Variants in PSD3 observed in about 807,000 individuals in gnomAD.
The protein encoded by PSD3 is PH and SEC7 domain-containing protein 3.
Under a neutral mutation model 105.5 loss-of-function variants are expected in PSD3, and 49 were observed. That is an observed-to-expected ratio of 0.46 (90% CI 0.37 to 0.59). The LOEUF is 0.59. Among genes scored for constraint, PSD3 ranks in the 20% least tolerant of loss-of-function variants. The pLI is 0.00. For missense variants in PSD3, 1,561 were observed against 1,263.8 expected, an observed-to-expected ratio of 1.24 and a Z score of -3.57; for synonymous variants, 557 against 457.8, an observed-to-expected ratio of 1.22 and a Z score of -2.77.
intron 4 of PSD3, among the ~76,000 whole-genome samples, chr8:18,840,091 CTGT>C (rs989726107): frequency 2.0e-5 from 3 of 152,134 alleles, no homozygotes; most frequent in Non-Finnish European, 4.4e-5. Context: ...AATGCTGATC[CTGT>C]TGTTCTCTAG....
chr8:18,595,131 T>G (rs550567959), intron 12 of PSD3, among the ~76,000 whole-genome samples: 1 of 151,994 alleles, frequency 6.6e-6, no homozygotes, highest in Non-Finnish European at 1.5e-5. Flanking sequence ...AGTAAAAGTA[T>G]AGTTTTGGCA....
intron 11 of PSD3, among the ~76,000 whole-genome samples, chr8:18,613,489 C>T (rs1805426411): frequency 1.3e-5 from 2 of 152,252 alleles, no homozygotes; most frequent in Admixed American, 1.3e-4. Flanking sequence ...CACTTGTCAC[C>T]CTTCTACGTG....
At chr8:18,564,795 C>T (rs761042187) in intron 14 of PSD3, among the ~76,000 whole-genome samples, 1 of 152,058 alleles carries the variant, frequency 6.6e-6, no homozygotes, top group Non-Finnish European at 1.5e-5. Context: ...TGGCTCTGAG[C>T]ACCACTGCCT....
intron 12 of PSD3, among the ~76,000 whole-genome samples, chr8:18,576,687 C>G (rs1161130764): frequency 6.6e-6 from 1 of 152,062 alleles, no homozygotes; most frequent in Non-Finnish European, 1.5e-5. Flanking sequence ...TAACAGAACC[C>G]GGCACATGTG....
chr8:18,983,122 T>C (rs560359217), intron 1 of PSD3, among the ~76,000 whole-genome samples: 1 of 152,356 alleles, frequency 6.6e-6, no homozygotes, highest in African/African-American at 2.4e-5. Flanking sequence ...GCTTCACCTT[T>C]ATGTTATAAA....
chr8:18,626,672 A>G (rs540461379), intron 11 of PSD3, among the ~76,000 whole-genome samples: 2 of 152,220 alleles, frequency 1.3e-5, no homozygotes, highest in African/African-American at 4.8e-5. Context: ...TATAGTGACC[A>G]TCTCTCAAAA....
chr8:18,988,206 T>C (rs1014589511), intron 1 of PSD3, among the ~76,000 whole-genome samples: 4 of 152,086 alleles, frequency 2.6e-5, no homozygotes, highest in African/African-American at 7.2e-5. Context: ...GAATTCTGAA[T>C]ACATAAAACA....
intron 4 of PSD3, chr8:18,849,569 C>T (rs1449509722): frequency 5.9e-5 from 9 of 152,326 alleles, no homozygotes; most frequent in Admixed American, 2.6e-4. Context: ...TCGGCATTAT[C>T]CTCCTACTCA....
intron 1 of PSD3, among the ~76,000 whole-genome samples, chr8:18,960,994 G>A (rs1823875535): frequency 1.3e-5 from 2 of 152,104 alleles, no homozygotes; most frequent in Admixed American, 6.6e-5. Flanking sequence ...GCTGAGGTGG[G>A]AGGATCTACA....
intron 8 of PSD3, among the ~76,000 whole-genome samples, chr8:18,785,545 T>C (rs2129445709): frequency 6.6e-6 from 1 of 152,358 alleles, no homozygotes; most frequent in South Asian, 2.1e-4. Flanking sequence ...CAAAACTTGC[T>C]CTGTATCAGT....
intron 11 of PSD3, among the ~76,000 whole-genome samples, chr8:18,629,526 G>T (rs927659032): frequency 6.6e-6 from 1 of 151,962 alleles, no homozygotes; most frequent in Non-Finnish European, 1.5e-5. Context: ...AATAAGAAGA[G>T]AGAAACTATT....
At chr8:18,974,223 A>C (rs1586559832) in intron 1 of PSD3, among the ~76,000 whole-genome samples, 1 of 152,308 alleles carries the variant, frequency 6.6e-6, no homozygotes, top group African/African-American at 2.4e-5. Flanking sequence ...TTACAGATAA[A>C]GAAAAAGGCT....
intron 9 of PSD3, among the ~76,000 whole-genome samples, chr8:18,679,608 A>G (rs967248471): frequency 6.6e-6 from 1 of 152,214 alleles, no homozygotes; most frequent in African/African-American, 2.4e-5. Flanking sequence ...TGTTCAGAAC[A>G]AAGATATCAT....
At chr8:18,958,602 C>A (rs912688771) in intron 1 of PSD3, among the ~76,000 whole-genome samples, 1 of 152,128 alleles carries the variant, frequency 6.6e-6, no homozygotes, top group Non-Finnish European at 1.5e-5. Context: ...GATAATCTAT[C>A]ATGACCAACT....
At chr8:18,939,070 A>G (rs1822349349) in intron 1 of PSD3, among the ~76,000 whole-genome samples, 1 of 152,226 alleles carries the variant, frequency 6.6e-6, no homozygotes, top group South Asian at 2.1e-4. Flanking sequence ...GGTGCTAGAA[A>G]ATAAGAAAAG....
At chr8:18,946,665 C>T (rs993863452) in intron 1 of PSD3, among the ~76,000 whole-genome samples, 1 of 151,828 alleles carries the variant, frequency 6.6e-6, no homozygotes, top group East Asian at 1.9e-4. Flanking sequence ...TTTGGGAGGC[C>T]GAGGTGGGTG....
At chr8:18,781,862 T>C (rs915226915) in intron 8 of PSD3, among the ~76,000 whole-genome samples, 1 of 152,206 alleles carries the variant, frequency 6.6e-6, no homozygotes, top group Admixed American at 6.5e-5. Flanking sequence ...TTGTATGTGT[T>C]ACATAAGCTT....
intron 11 of PSD3, among the ~76,000 whole-genome samples, chr8:18,606,688 A>G (rs537428213): frequency 1.3e-5 from 2 of 152,284 alleles, no homozygotes; most frequent in East Asian, 3.9e-4. Flanking sequence ...AACAAGGGGA[A>G]CCAGTAAGGA....
intron 12 of PSD3, among the ~76,000 whole-genome samples, chr8:18,581,130 C>A (rs532178321): frequency 6.6e-6 from 1 of 152,098 alleles, no homozygotes; most frequent in Non-Finnish European, 1.5e-5. Context: ...CACTCTGTAA[C>A]GAAGTGGATA....
Sources: gnomAD v4.1 joint callset for allele counts (sites outside exome capture counted in the v4.1 genomes callset) on GRCh38, gnomAD v4.1.1 for gene constraint, MANE v1.5 for transcripts, NCBI Gene and HGNC (gene_info 2026-07-23, HGNC 2026-07-21) for gene names.